ITGB3BP: variants seen among roughly 807,000 people sequenced by gnomAD.
The protein encoded by ITGB3BP is integrin subunit beta 3 binding protein.
Under a neutral mutation model 29.1 loss-of-function variants are expected in ITGB3BP, and 27 were observed. The observed-to-expected ratio is 0.93, with a 90% CI of 0.68 to 1.28. The LOEUF (loss-of-function observed/expected upper bound fraction) is 1.28, where lower values mean the gene tolerates loss of function less well. Among genes scored for constraint, ITGB3BP ranks in the 50% most tolerant of loss-of-function variants. The pLI is 0.00. For synonymous variants in ITGB3BP, 61 were observed against 61.4 expected (o/e 0.99, Z 0.03); for missense variants, 192 against 200.2 (o/e 0.96, Z 0.25).
chr1:63,462,329 AC>A (rs1645030716), intron 4 of ITGB3BP, among the ~76,000 whole-genome samples: 1 of 152,142 alleles, frequency 6.6e-6, no homozygotes, highest in African/African-American at 2.4e-5. Context: ...ATACCCTGAA[AC>A]TTTTTTTGAC....
intron 4 of ITGB3BP, among the ~76,000 whole-genome samples, chr1:63,456,332 G>GT (rs200376364): frequency 3.3e-5 from 5 of 151,736 alleles, no homozygotes; most frequent in Non-Finnish European, 5.9e-5. Flanking sequence ...AATTTTGGGT[G>GT]TTTTTTTTCT....
At chr1:63,484,425 T>C (rs1261676375) in intron 3 of ITGB3BP, among the ~76,000 whole-genome samples, 1 of 152,128 alleles carries the variant, frequency 6.6e-6, no homozygotes, top group African/African-American at 2.4e-5. Flanking sequence ...GTATAAATTT[T>C]TCCTCTAAGT....
chr1:63,516,115 T>C (rs1453740640), intron 1 of ITGB3BP, among the ~76,000 whole-genome samples: 3 of 150,680 alleles, frequency 2.0e-5, no homozygotes, highest in Non-Finnish European at 3.0e-5. Context: ...TTATCTTAAC[T>C]GGAATAACTC....
intron 4 of ITGB3BP, among the ~76,000 whole-genome samples, chr1:63,477,589 G>A (rs1039599643): frequency 3.3e-5 from 5 of 152,042 alleles, no homozygotes; most frequent in South Asian, 2.1e-4. Flanking sequence ...GCGTGGTGGC[G>A]TGGACCTGTA....
intron 8 of ITGB3BP, among the ~76,000 whole-genome samples, chr1:63,442,359 C>G (rs183300927): frequency 6.6e-6 from 1 of 152,330 alleles, no homozygotes; most frequent in Admixed American, 6.5e-5. Context: ...CTATCACTGT[C>G]TACTCTCAAT....
chr1:63,503,665 A>G (rs1379774154), intron 2 of ITGB3BP, among the ~76,000 whole-genome samples: 1 of 152,184 alleles, frequency 6.6e-6, no homozygotes, highest in Non-Finnish European at 1.5e-5. Context: ...TTAAGTCTTT[A>G]ATCCATCTTG....
chr1:63,526,796 G>T (rs543949570), upstream of ITGB3BP, among the ~76,000 whole-genome samples: 197 of 151,132 alleles, frequency 1.3e-3, no homozygotes, highest in African/African-American at 3.9e-3. Flanking sequence ...ACGGAGTCTT[G>T]CTCTGTCTTC....
chr1:63,514,724 GACC>G lies in ITGB3BP; in HGVS notation c.6-6157_6-6155del, dbSNP rs1646271781. ...TCACTTTGGGAGGCCAAGGTGGGCA[GACC>G]ACAAGGTCAAGAGACTGAGACCATC... On this transcript the variant is annotated intron_variant, in intron 1 of 8. Transcript: ENST00000271002. Among the ~76,000 whole-genome samples, 8 of 152,250 alleles carry G rather than the reference GACC, an allele frequency of 5.3e-5. No individual in the cohort carries two copies. The South Asian group carries it at 1.7e-3, about 32-fold the overall frequency.
At chr1:63,516,368 G>GT (rs1646326085) in intron 1 of ITGB3BP, among the ~76,000 whole-genome samples, 1 of 59,494 alleles carries the variant, frequency 1.7e-5, no homozygotes, top group African/African-American at 4.7e-5. Context: ...GGGGGAGAAG[G>GT]GGGGGGGAAG....
intron 3 of ITGB3BP, among the ~76,000 whole-genome samples, chr1:63,482,065 G>C (rs1645446351): frequency 6.6e-6 from 1 of 151,856 alleles, no homozygotes; most frequent in Non-Finnish European, 1.5e-5. Context: ...CTGAGCTCAG[G>C]AGTTTCAGAC....
intron 3 of ITGB3BP, among the ~76,000 whole-genome samples, chr1:63,489,805 C>A (rs1486268040): frequency 2.0e-5 from 3 of 152,054 alleles, no homozygotes; most frequent in African/African-American, 7.2e-5. Context: ...AGGGGCATAT[C>A]TGTAACCATT....
intron 1 of ITGB3BP, among the ~76,000 whole-genome samples, chr1:63,510,909 G>A (rs1230786582): frequency 2.6e-5 from 4 of 152,010 alleles, no homozygotes; most frequent in Non-Finnish European, 5.9e-5. Flanking sequence ...ACTGTTAGTA[G>A]GAATAGAAGA....
At chr1:63,488,883 C>T (rs993239287) in intron 3 of ITGB3BP, among the ~76,000 whole-genome samples, 1 of 152,046 alleles carries the variant, frequency 6.6e-6, no homozygotes, top group Non-Finnish European at 1.5e-5. Context: ...TAATTATCTA[C>T]TTAAATGCCA....
intron 3 of ITGB3BP, among the ~76,000 whole-genome samples, chr1:63,479,925 T>C (rs1645408509): frequency 6.6e-6 from 1 of 152,164 alleles, no homozygotes; most frequent in Admixed American, 6.5e-5. Context: ...GATATTTCTT[T>C]GACATACTGA....
intron 1 of ITGB3BP, among the ~76,000 whole-genome samples, chr1:63,516,032 T>C (rs1646312078): frequency 6.6e-6 from 1 of 151,468 alleles, no homozygotes; most frequent in Non-Finnish European, 1.5e-5. Flanking sequence ...ATATACACCA[T>C]GGAACACTAT....
chr1:63,476,003 A>C lies in ITGB3BP; in HGVS notation c.254+2761T>G, dbSNP rs887071959. On this transcript the variant is annotated intron_variant, in intron 4 of 8. Transcript: ENST00000271002. ...ACACAGCAAGACACTGTCTCAAAAA[A>C]AAAAAAAAAAAGAAACGTATCATTT... 3.3e-5 allele frequency among the ~76,000 whole-genome samples: 5 copies of C among 151,208 alleles called. No homozygotes were observed. The South Asian group carries it at 6.3e-4, about 19-fold the overall frequency.
At chr1:63,508,407 A>G (rs889335875) in intron 2 of ITGB3BP, 121 bp downstream of exon 2, 1 of 568,618 alleles carries the variant, frequency 1.8e-6, no homozygotes, top group Non-Finnish European at 3.1e-6. Context: ...AATCACAATT[A>G]TATCACACTG....
intron 4 of ITGB3BP, among the ~76,000 whole-genome samples, chr1:63,468,042 C>T (rs1401766567): frequency 2.0e-5 from 3 of 152,190 alleles, no homozygotes; most frequent in Non-Finnish European, 2.9e-5. Flanking sequence ...ACAAACAGGA[C>T]CCTGCCTAAT....
Position 63,508,542 on chromosome 1 carries a change from G to T in ITGB3BP, c.34C>A (p.Leu12Met). The T allele has an allele frequency of 7.0e-7, 1 of 1,427,992 alleles. No individual in the cohort carries two copies. Among genetic ancestry groups the T allele is most frequent in the Non-Finnish European group, 9.5e-7 (1 of 1,052,578 alleles). 88.5% of individuals were successfully genotyped at this position (1,427,992 alleles called of 1,614,324 possible). The change falls in exon 2 of 9, where the codon CTG (leucine) becomes ATG (methionine). Residue 12 changes from leucine (L) to methionine (M), a missense_variant. Physicochemically the swap from Leu to Met is conservative, Grantham distance 15 (BLOSUM62 2). Transcript: ENST00000271002. ...CAAATACTTACATTTTCTTCTAACA[G>T]ACCATCCAACTTCAGTGATCTTTTA... ...PVKRSLKLDG[L>M]LEENSFDPSK... is the part of the protein sequence containing the mutation.
Sources: allele counts gnomAD v4.1 joint callset (sites outside exome capture counted in the v4.1 genomes callset), GRCh38; gene constraint gnomAD v4.1.1; transcripts MANE v1.5; gene names NCBI Gene and HGNC (gene_info 2026-07-23, HGNC 2026-07-21).